The following COL10A1 variants were observed in gnomAD, a reference collection of about 807,000 sequenced individuals.
The protein encoded by COL10A1 is collagen alpha-1(X) chain.
COL10A1 carries 10 observed loss-of-function variants against 18.2 expected under a neutral mutation model. The ratio of observed to expected loss-of-function variants is 0.55; its 90% CI spans 0.34 to 0.93. The LOEUF (loss-of-function observed/expected upper bound fraction) is 0.93, where lower values mean the gene tolerates loss of function less well. Among genes scored for constraint, COL10A1 ranks in the 40% least tolerant of loss-of-function variants. The pLI is 0.02. For missense variants in COL10A1, 897 were observed against 853.5 expected, an observed-to-expected ratio of 1.05 and a Z score of -0.64; for synonymous variants, 330 against 316.6, an observed-to-expected ratio of 1.04 and a Z score of -0.45.
chr6:116,162,076 T>C (rs1780348112), upstream of COL10A1, among the ~76,000 whole-genome samples: 1 of 152,206 alleles, frequency 6.6e-6, no homozygotes, highest in South Asian at 2.1e-4. Context: ...GGTTTTCTGC[T>C]TGACCATTGT....
intron 1 of COL10A1, among the ~76,000 whole-genome samples, chr6:116,146,416 T>C (rs1308856655): frequency 1.3e-5 from 2 of 152,120 alleles, no homozygotes; most frequent in African/African-American, 4.8e-5. Flanking sequence ...TCTCAGAAGC[T>C]CCATGACAAT....
the COL10A1 span, among the ~76,000 whole-genome samples, chr6:116,169,302 A>G: frequency 6.6e-6 from 1 of 152,210 alleles, no homozygotes; most frequent in Non-Finnish European, 1.5e-5. Flanking sequence ...AATTTGTTCA[A>G]ATGGCATAGT....
At chr6:116,152,100 G>A (rs1365540485) in intron 1 of COL10A1, among the ~76,000 whole-genome samples, 2 of 152,220 alleles carry the variant, frequency 1.3e-5, no homozygotes, top group Non-Finnish European at 2.9e-5. Context: ...AGGAGGTGGA[G>A]TGAGATTTGT....
chr6:116,143,870 G>A (rs1280023278), intron 1 of COL10A1, among the ~76,000 whole-genome samples: 1 of 152,122 alleles, frequency 6.6e-6, no homozygotes, highest in African/African-American at 2.4e-5. Context: ...GTGTTTGGTT[G>A]TGTTGTGTTT....
chr6:116,161,829 T>G (rs1375786398), upstream of COL10A1, among the ~76,000 whole-genome samples: 3 of 152,248 alleles, frequency 2.0e-5, no homozygotes, highest in African/African-American at 7.2e-5. Flanking sequence ...AGTATAGTCA[T>G]TTTAATGACA....
At chr6:116,143,535 TGTTCAG>T (rs2114372773) in intron 1 of COL10A1, among the ~76,000 whole-genome samples, 1 of 152,200 alleles carries the variant, frequency 6.6e-6, no homozygotes, top group East Asian at 1.9e-4. Flanking sequence ...TAATTGTTTT[TGTTCAG>T]GTTGAATTTG....
rs547261471 is a variant in COL10A1, at chr6:116,122,437, G to A, written c.155-476C>T. On this transcript the variant is annotated intron_variant, in intron 2 of 2. Transcript: ENST00000651968. ...TCTGCCATGCCTCTGCTGAACACAG[G>A]TTAGATTTTGGTTGATTTACTTTTA... Among the ~76,000 whole-genome samples, 30 of 152,248 alleles carry A rather than the reference G, an allele frequency of 2.0e-4. 3 individuals are homozygous for A. The South Asian group carries it at 3.3e-3, about 17-fold the overall frequency.
chr6:116,149,725 G>T (rs753603522), intron 1 of COL10A1, among the ~76,000 whole-genome samples: 1 of 152,166 alleles, frequency 6.6e-6, no homozygotes, highest in African/African-American at 2.4e-5. Context: ...GATTGGGGTA[G>T]AACTTTTGAA....
chr6:116,175,131 G>T, the COL10A1 span, among the ~76,000 whole-genome samples: 6 of 151,876 alleles, frequency 4.0e-5, no homozygotes, highest in African/African-American at 9.7e-5. Context: ...TGTATATTTT[G>T]TATAGAGTTT....
At chr6:116,126,417 G>A (rs959745505), upstream of COL10A1, among the ~76,000 whole-genome samples, 1 of 152,016 alleles carries the variant, frequency 6.6e-6, no homozygotes, top group Non-Finnish European at 1.5e-5. Context: ...GTTCACGGTG[G>A]AATGATGATA....
chr6:116,144,177 A>T lies in COL10A1; in HGVS notation c.-16+14437T>A, dbSNP rs527712978. On this transcript the variant is annotated intron_variant, in intron 1 of 1. Transcript: ENST00000418500. ...TGGAATCCTTTTTATAACAGACAGT[A>T]TGAAAACAAACATATTCTTCTTACA... Among the ~76,000 whole-genome samples, 13 of 152,270 alleles carry T rather than the reference A, an allele frequency of 8.5e-5. No individual in the cohort carries two copies. In the East Asian group the frequency reaches 2.5e-3, roughly 29 times the overall value.
chr6:116,195,654 T>C, the COL10A1 span, among the ~76,000 whole-genome samples: 2 of 152,038 alleles, frequency 1.3e-5, no homozygotes, highest in Non-Finnish European at 1.5e-5. Context: ...CAGAACAGCT[T>C]TTAAATTTTT....
intron 1 of COL10A1, among the ~76,000 whole-genome samples, chr6:116,153,431 T>C (rs1487093671): frequency 1.3e-5 from 2 of 152,134 alleles, no homozygotes; most frequent in African/African-American, 4.8e-5. Flanking sequence ...TTAAGCATAG[T>C]GTTTTATAGA....
At chr6:116,131,147 T>G (rs973695585) in intron 1 of COL10A1, among the ~76,000 whole-genome samples, 2 of 152,232 alleles carry the variant, frequency 1.3e-5, no homozygotes, top group Non-Finnish European at 1.5e-5. Flanking sequence ...GAAGGAGATG[T>G]GTTTGCTGAT....
At chr6:116,142,402 AT>A (rs1381458758) in intron 1 of COL10A1, among the ~76,000 whole-genome samples, 1 of 152,064 alleles carries the variant, frequency 6.6e-6, no homozygotes, top group Non-Finnish European at 1.5e-5. Flanking sequence ...TTCAGGTTTC[AT>A]TTTTTACATT....
the COL10A1 span, among the ~76,000 whole-genome samples, chr6:116,182,222 AGTGTGTGT>A: frequency 7.2e-5 from 9 of 124,604 alleles, no homozygotes; most frequent in East Asian, 1.2e-3. Context: ...TTCCATGGAG[AGTGTGTGT>A]GTGTGTGTGT....
chr6:116,211,393 C>A, the COL10A1 span, among the ~76,000 whole-genome samples: 3 of 151,848 alleles, frequency 2.0e-5, no homozygotes, highest in Admixed American at 6.6e-5. Context: ...ATAAAAAACC[C>A]AATACAATGA....
chr6:116,182,233 G>GTGTGTGTGTGTGTGTGTA, the COL10A1 span, among the ~76,000 whole-genome samples: 6 of 151,510 alleles, frequency 4.0e-5, no homozygotes, highest in African/African-American at 1.2e-4. Context: ...GTGTGTGTGT[G>GTGTGTGTGTGTGTGTGTA]TGTGTGTGTG....
At chr6:116,125,747 A>C (rs1237898008) in intron 1 of COL10A1, 1 of 343,454 alleles carries the variant, frequency 2.9e-6, no homozygotes, top group African/African-American at 2.1e-5. Flanking sequence ...ACCTAAAGGA[A>C]AAGAAACAGA....
Sources: gnomAD v4.1 joint callset for allele counts (sites outside exome capture counted in the v4.1 genomes callset) on GRCh38, gnomAD v4.1.1 for gene constraint, MANE v1.5 for transcripts, NCBI Gene and HGNC (gene_info 2026-07-23, HGNC 2026-07-21) for gene names.